Variants in KIF17 observed in about 807,000 individuals in gnomAD.
KIF17 encodes kinesin family member 17.
Under a neutral mutation model 96.8 loss-of-function variants are expected in KIF17, and 80 were observed. The ratio of observed to expected loss-of-function variants is 0.83; its 90% CI spans 0.69 to 1.00. The LOEUF (loss-of-function observed/expected upper bound fraction) is 1.00, where lower values mean the gene tolerates loss of function less well. Ranked by LOEUF, KIF17 falls within the 50% of genes least tolerant of loss-of-function variation. KIF17 has a pLI of 0.00. For missense variants in KIF17, 1,280 were observed against 1,372.9 expected (o/e 0.93, Z 1.07); for synonymous variants, 567 against 587.5 (o/e 0.97, Z 0.51).
chr1:20,666,102 G>C (rs1460247903), intron 14 of KIF17, 112 bp downstream of exon 14: 1 of 832,658 alleles, frequency 1.2e-6, no homozygotes, highest in South Asian at 1.3e-5. Context: ...GGAAACTGAG[G>C]CTCCGAGAGG....
At chr1:20,695,043 T>C (rs1048732723) in intron 6 of KIF17, among the ~76,000 whole-genome samples, 1 of 151,898 alleles carries the variant, frequency 6.6e-6, no homozygotes, top group Non-Finnish European at 1.5e-5. Context: ...CAGGCACACA[T>C]GTGCACACAT....
rs2054202974 is a variant in KIF17, at chr1:20,699,858, G to C, written c.1124-1370C>G. ...TGCCAGATTGTGACAGCTGTGGAGG[G>C]CCGGGTGAGGGCTTTGGCTGTGACT... On this transcript the variant is annotated intron_variant, in intron 5 of 14. Transcript: ENST00000400463. The surrounding 1 kb of genome is among the most constrained non-coding windows in gnomAD (Gnocchi z 4.3). Among the ~76,000 whole-genome samples the C allele has an allele frequency of 6.6e-6, 1 of 152,206 alleles. No homozygotes were observed. The highest frequency in any genetic ancestry group is 6.5e-5 in the Admixed American group (1 of 15,280).
chr1:20,710,458 C>T (rs1434782824), intron 3 of KIF17, among the ~76,000 whole-genome samples: 2 of 152,212 alleles, frequency 1.3e-5, no homozygotes, highest in Non-Finnish European at 2.9e-5. Context: ...GCGATGGCAG[C>T]AGTAAATTAA....
chr1:20,708,732 G>A (rs1014481206), intron 4 of KIF17, among the ~76,000 whole-genome samples: 1 of 152,198 alleles, frequency 6.6e-6, no homozygotes. Context: ...GGATTCTAGT[G>A]CCTGTCTCTA....
At chr1:20,679,945 A>G (rs1360926998) in intron 11 of KIF17, among the ~76,000 whole-genome samples, 1 of 151,656 alleles carries the variant, frequency 6.6e-6, no homozygotes, top group African/African-American at 2.4e-5. Context: ...GTAAATTTAT[A>G]GTAATTTGTT....
At chr1:20,706,106 A>T (rs1056321568) in intron 4 of KIF17, among the ~76,000 whole-genome samples, 1 of 150,466 alleles carries the variant, frequency 6.6e-6, no homozygotes, top group Non-Finnish European at 1.5e-5. Context: ...CGGTGTCCCT[A>T]TGTTGCCCAG....
chr1:20,686,670 C>T (rs2053944713), intron 8 of KIF17, among the ~76,000 whole-genome samples: 1 of 152,208 alleles, frequency 6.6e-6, no homozygotes, highest in African/African-American at 2.4e-5. Flanking sequence ...ATCCTCCTGC[C>T]TCAGCCTCCT....
rs747719983 is a variant in KIF17 at position 20,705,893 on chromosome 1, C to CTTTTTT, written c.671-1000_671-995dup. On this transcript the variant is annotated intron_variant, in intron 4 of 14. Transcript: ENST00000400463. ...GTCTATAATCCTCAGTAGGATGTCT[C>CTTTTTT]TTTTTTTTTTTTTTTTTTTTTTTTT... Among the ~76,000 whole-genome samples the CTTTTTT allele has an allele frequency of 4.5e-4, 24 of 53,562 alleles. 2 individuals carry two copies. The highest frequency in any genetic ancestry group is 6.4e-4 in the Non-Finnish European group (18 of 28,148). 35.1% of individuals were successfully genotyped at this position (53,562 alleles called of 152,430 possible). A position where few individuals can be genotyped will look rare whatever the true frequency, so the allele number is the denominator to read the frequency against.
At chr1:20,717,270 G>A (rs1162277009) in intron 1 of KIF17, 2 of 590,618 alleles carry the variant, frequency 3.4e-6, no homozygotes, top group Non-Finnish European at 6.0e-6. Flanking sequence ...CGGAGACGCT[G>A]GGGATAGTGC....
At chr1:20,664,796 A>G (rs1295969004) in intron 14 of KIF17, 34 bp from the exon 15 acceptor site, 1 of 1,596,808 alleles carries the variant, frequency 6.3e-7, no homozygotes, top group Non-Finnish European at 8.6e-7. Context: ...CTGGTAAGCC[A>G]GGAGCGCAGG....
At chr1:20,676,755 T>TG (rs1345570092) in intron 11 of KIF17, among the ~76,000 whole-genome samples, 2 of 150,576 alleles carry the variant, frequency 1.3e-5, no homozygotes, top group South Asian at 2.1e-4. Flanking sequence ...CACTTGAACC[T>TG]GGGGGGCGAA....
chr1:20,682,427 G>C (rs1570443997), intron 11 of KIF17, among the ~76,000 whole-genome samples: 3 of 152,240 alleles, frequency 2.0e-5, no homozygotes, highest in Non-Finnish European at 4.4e-5. Context: ...GGGAGACTGA[G>C]ACAGGAAGAT....
At chr1:20,673,214 A>AAAAT (rs1039579411) in intron 11 of KIF17, among the ~76,000 whole-genome samples, 25 of 152,152 alleles carry the variant, frequency 1.6e-4, no homozygotes, top group African/African-American at 2.6e-4. Context: ...ACTCTGTCTC[A>AAAAT]AAATAAATAA....
chr1:20,704,598 G>A lies in KIF17; in HGVS notation c.972C>T (p.Ser324=). The A allele has an allele frequency of 1.2e-6, 2 of 1,614,198 alleles. No individual in the cohort carries two copies. The highest frequency in any genetic ancestry group is 1.1e-5 in the South Asian group (1 of 91,074). Residue 324 remains serine, a synonymous_variant, in exon 5 of 15, where the codon AGC becomes AGT. Coordinates refer to ENST00000400463, the MANE Select transcript of KIF17 (RefSeq NM_001122819.3). The surrounding 1 kb of genome is among the most constrained non-coding windows in gnomAD (Gnocchi z 6.8). ...PADNNYDETL[S]TLRYANRAKN... The stretch of plus-strand genomic sequence containing the variant: ...TGGCCCGGTTGGCGTAGCGCAGCGT[G>A]CTGAGTGTCTCATCGTAGTTGTTGT...
chr1:20,684,183 C>G (rs1339857854), intron 10 of KIF17, among the ~76,000 whole-genome samples: 2 of 152,250 alleles, frequency 1.3e-5, no homozygotes, highest in Admixed American at 6.5e-5. Context: ...TTGGCCCTGC[C>G]TGTCCTCCGC....
intron 4 of KIF17, among the ~76,000 whole-genome samples, chr1:20,707,787 A>G (rs866536894): frequency 0.015 from 1,885 of 124,476 alleles, 72 homozygotes; most frequent in African/African-American, 0.055. Context: ...ACCAATGTGT[A>G]TGTGTGTGTG....
At chr1:20,671,829 G>A (rs1270941549) in intron 12 of KIF17, 109 bp downstream of exon 12, 3 of 1,359,330 alleles carry the variant, frequency 2.2e-6, no homozygotes, top group African/African-American at 2.9e-5. Context: ...AGGGTCACGT[G>A]TCTTCTACAC....
At chr1:20,679,001 CAAAAA>C (rs34906395) in intron 11 of KIF17, among the ~76,000 whole-genome samples, 3 of 86,608 alleles carry the variant, frequency 3.5e-5, no homozygotes, top group Non-Finnish European at 4.5e-5. Flanking sequence ...TCTTCCTTGG[CAAAAA>C]AAAAAAAAAA....
chr1:20,703,340 G>A (rs2054277039), intron 5 of KIF17, among the ~76,000 whole-genome samples: 1 of 152,100 alleles, frequency 6.6e-6, no homozygotes, highest in South Asian at 2.1e-4. Flanking sequence ...TGCATGGATG[G>A]ATGACAGATG....
Sources: allele counts gnomAD v4.1 joint callset (sites outside exome capture counted in the v4.1 genomes callset), GRCh38; gene constraint gnomAD v4.1.1; non-coding constraint Gnocchi (gnomAD v3.1); transcripts MANE v1.5; gene names NCBI Gene and HGNC (gene_info 2026-07-23, HGNC 2026-07-21).